Variants in NR2F1-AS1 observed in about 807,000 individuals in gnomAD.
The protein encoded by NR2F1-AS1 is NR2F1 regulatory antisense RNA 1, also known as NR2F1 antisense RNA 1.
chr5:93,540,167 A>T (rs1751920141), intron 4 of NR2F1-AS1, among the ~76,000 whole-genome samples: 1 of 152,202 alleles, frequency 6.6e-6, no homozygotes, highest in Admixed American at 6.5e-5. Flanking sequence ...TACAGTTGTC[A>T]CTGGTTTTAT....
intron 4 of NR2F1-AS1, among the ~76,000 whole-genome samples, chr5:93,479,425 A>G (rs1205301847): frequency 2.0e-5 from 3 of 152,232 alleles, no homozygotes; most frequent in African/African-American, 7.2e-5. Context: ...CCATGAAGAT[A>G]ACAAAACATA....
At chr5:93,524,610 A>C (rs2149897190) in intron 4 of NR2F1-AS1, among the ~76,000 whole-genome samples, 1 of 152,324 alleles carries the variant, frequency 6.6e-6, no homozygotes, top group Non-Finnish European at 1.5e-5. Context: ...CCAGACAGTA[A>C]GGTCGGGTCA....
chr5:93,555,872 A>C (rs1303118567), intron 2 of NR2F1-AS1, among the ~76,000 whole-genome samples: 1 of 152,238 alleles, frequency 6.6e-6, no homozygotes, highest in Non-Finnish European at 1.5e-5. Context: ...ATTAATAATG[A>C]GTAGTAGCAT....
At chr5:93,434,540 C>G (rs1749394427) in intron 4 of NR2F1-AS1, among the ~76,000 whole-genome samples, 1 of 152,064 alleles carries the variant, frequency 6.6e-6, no homozygotes, top group African/African-American at 2.4e-5. Flanking sequence ...GTTTCATTAC[C>G]TGTAAGCAGT....
intron 4 of NR2F1-AS1, among the ~76,000 whole-genome samples, chr5:93,447,390 C>A (rs1469328000): frequency 2.0e-5 from 3 of 152,082 alleles, no homozygotes; most frequent in African/African-American, 4.8e-5. Context: ...AAAAAGGGGG[C>A]AAAAGATAGG....
intron 4 of NR2F1-AS1, among the ~76,000 whole-genome samples, chr5:93,471,521 T>C (rs1046042617): frequency 6.6e-6 from 1 of 151,840 alleles, no homozygotes; most frequent in Non-Finnish European, 1.5e-5. Context: ...CCTAATAAAA[T>C]TTTCAGAAAA....
chr5:93,418,139 A>G (rs1035964422), intron 4 of NR2F1-AS1, among the ~76,000 whole-genome samples: 6 of 152,144 alleles, frequency 3.9e-5, no homozygotes, highest in African/African-American at 1.4e-4. Flanking sequence ...AGGTGGCAGA[A>G]GCAGATTTCA....
chr5:93,495,769 C>T (rs372185795), intron 4 of NR2F1-AS1, among the ~76,000 whole-genome samples: 1 of 151,856 alleles, frequency 6.6e-6, no homozygotes, highest in South Asian at 2.1e-4. Flanking sequence ...ATATCATATA[C>T]ACAAATATGA....
At chr5:93,463,653 G>A (rs567148020) in intron 4 of NR2F1-AS1, among the ~76,000 whole-genome samples, 185 of 152,294 alleles carry the variant, frequency 1.2e-3, no homozygotes, top group Non-Finnish European at 2.4e-3. Flanking sequence ...AAAGCCACAG[G>A]GGTGGAACTG....
chr5:93,487,442 A>G (rs1228193992), intron 4 of NR2F1-AS1, among the ~76,000 whole-genome samples: 2 of 152,176 alleles, frequency 1.3e-5, no homozygotes, highest in Admixed American at 6.5e-5. Flanking sequence ...AAGCATTCCT[A>G]TACACCAATA....
intron 4 of NR2F1-AS1, among the ~76,000 whole-genome samples, chr5:93,544,302 C>T (rs1752025274): frequency 6.6e-6 from 1 of 152,108 alleles, no homozygotes; most frequent in African/African-American, 2.4e-5. Context: ...TGGTGCATTA[C>T]AGTCATTTGT....
intron 4 of NR2F1-AS1, among the ~76,000 whole-genome samples, chr5:93,453,223 A>T (rs903147825): frequency 6.6e-6 from 1 of 152,144 alleles, no homozygotes; most frequent in Non-Finnish European, 1.5e-5. Flanking sequence ...AGAATACAAG[A>T]TCAGTGAACT....
intron 4 of NR2F1-AS1, among the ~76,000 whole-genome samples, chr5:93,489,139 C>T (rs1311461083): frequency 6.6e-6 from 1 of 151,950 alleles, no homozygotes; most frequent in African/African-American, 2.4e-5. Flanking sequence ...GGAGAAATAC[C>T]TAATGTAGAT....
intron 4 of NR2F1-AS1, among the ~76,000 whole-genome samples, chr5:93,540,836 G>A (rs953789472): frequency 2.0e-5 from 3 of 152,072 alleles, no homozygotes; most frequent in South Asian, 4.1e-4. Flanking sequence ...AGACTCTGGG[G>A]GAGAAAAAGC....
intron 1 of NR2F1-AS1, among the ~76,000 whole-genome samples, chr5:93,568,863 A>G (rs1752676464): frequency 2.0e-5 from 3 of 152,192 alleles, no homozygotes; most frequent in African/African-American, 7.2e-5. Flanking sequence ...GGAGAACGAG[A>G]GGAACAACAG....
chr5:93,466,008 G>A (rs1750222304), intron 4 of NR2F1-AS1, among the ~76,000 whole-genome samples: 1 of 151,892 alleles, frequency 6.6e-6, no homozygotes, highest in South Asian at 2.1e-4. Flanking sequence ...AACCAACATG[G>A]CACATGTATA....
chr5:93,576,161 T>C (rs1352495723), intron 1 of NR2F1-AS1, among the ~76,000 whole-genome samples: 1 of 152,226 alleles, frequency 6.6e-6, no homozygotes, highest in Non-Finnish European at 1.5e-5. Flanking sequence ...ACCTGAGCCC[T>C]AGAATAGCCA....
chr5:93,542,393 T>C (rs763538985), intron 4 of NR2F1-AS1: 3 of 152,054 alleles, frequency 2.0e-5, no homozygotes, highest in Non-Finnish European at 4.4e-5. Context: ...TGTTTGTTGT[T>C]GGGGGTGGCC....
intron 4 of NR2F1-AS1, among the ~76,000 whole-genome samples, chr5:93,493,074 A>C (rs1450550899): frequency 1.3e-5 from 2 of 152,158 alleles, no homozygotes; most frequent in Non-Finnish European, 2.9e-5. Context: ...AAAGGCATCC[A>C]AATTTATGAC....
Sources: allele counts gnomAD v4.1 joint callset (sites outside exome capture counted in the v4.1 genomes callset), GRCh38; gene constraint gnomAD v4.1.1; transcripts MANE v1.5; gene names NCBI Gene and HGNC (gene_info 2026-07-23, HGNC 2026-07-21).